The following ARL15 variants were observed in gnomAD, a reference collection of about 807,000 sequenced individuals.
ARL15 encodes ARF like GTPase 15.
Under a neutral mutation model 25.2 loss-of-function variants are expected in ARL15, and 19 were observed. That is an observed-to-expected ratio of 0.75 (90% CI 0.53 to 1.10). The LOEUF (loss-of-function observed/expected upper bound fraction) is 1.10. ARL15 is among the 50% of genes least tolerant of loss of function. ARL15 has a pLI of 0.00. For synonymous variants in ARL15, 94 were observed against 86.8 expected, an observed-to-expected ratio of 1.08 and a Z score of -0.46; for missense variants, 220 against 246.0, an observed-to-expected ratio of 0.89 and a Z score of 0.71.
intron 4 of ARL15, among the ~76,000 whole-genome samples, chr5:54,009,544 T>A (rs1255529032): frequency 6.6e-6 from 1 of 152,126 alleles, no homozygotes; most frequent in Non-Finnish European, 1.5e-5. Context: ...TGCCCTGAAC[T>A]CTCTGGCTGC....
At chr5:54,182,622 G>C (rs1442043154) in intron 1 of ARL15, among the ~76,000 whole-genome samples, 1 of 148,184 alleles carries the variant, frequency 6.7e-6, no homozygotes, top group Non-Finnish European at 1.5e-5. Context: ...GGATTGACTT[G>C]GCGATGCGGG....
chr5:53,901,525 T>C (rs1745062860), intron 4 of ARL15, among the ~76,000 whole-genome samples: 1 of 152,136 alleles, frequency 6.6e-6, no homozygotes, highest in South Asian at 2.1e-4. Context: ...GCTATCAGTA[T>C]CTTATAAAAT....
At chr5:54,031,699 G>T (rs1261620880) in intron 4 of ARL15, among the ~76,000 whole-genome samples, 1 of 152,094 alleles carries the variant, frequency 6.6e-6, no homozygotes, top group African/African-American at 2.4e-5. Flanking sequence ...TTCATGGCGA[G>T]AGTACTTGAC....
intron 1 of ARL15, among the ~76,000 whole-genome samples, chr5:54,189,018 C>T (rs1021613957): frequency 1.3e-5 from 2 of 152,028 alleles, no homozygotes; most frequent in African/African-American, 2.4e-5. Flanking sequence ...CATGTCTGTA[C>T]ACTAATAATT....
At chr5:54,172,042 T>A (rs1754734276) in intron 1 of ARL15, 114 bp from the exon 2 acceptor site, 1 of 1,275,702 alleles carries the variant, frequency 7.8e-7, no homozygotes, top group Non-Finnish European at 1.1e-6. Flanking sequence ...AAGTATTACC[T>A]ATAAGGAAGA....
intron 3 of ARL15, among the ~76,000 whole-genome samples, chr5:54,135,366 C>G (rs1271806147): frequency 2.0e-5 from 3 of 152,096 alleles, no homozygotes; most frequent in Non-Finnish European, 1.5e-5. Flanking sequence ...TACAAGGGAC[C>G]CCACAATTTA....
chr5:54,310,573 C>A lies in ARL15; in HGVS notation c.-94G>T. 7.1e-7 allele frequency: 1 copy of A among 1,402,146 alleles called. No homozygotes were observed. 86.9% of individuals were successfully genotyped at this position (1,402,146 alleles called of 1,614,324 possible). A position where few individuals can be genotyped will look rare whatever the true frequency, so the allele number is the denominator to read the frequency against. On this transcript the variant is annotated 5_prime_UTR_variant, in exon 1 of 5. Coordinates refer to ENST00000504924, the MANE Select transcript of ARL15 (RefSeq NM_019087.3). ...GAGCAGCTCCTGAAAAAGCCAGCAA[C>A]AGCGAAAATAGCCGAAAGCAGCCGA...
Position 53,895,221 on chromosome 5 carries a change from A to G in ARL15, c.463-8508T>C, listed in dbSNP as rs1744833978. Among the ~76,000 whole-genome samples, 3 of 152,278 alleles carry G rather than the reference A, an allele frequency of 2.0e-5. No homozygotes were observed. In the South Asian group the frequency reaches 6.2e-4, roughly 32 times the overall value. On this transcript the variant is annotated intron_variant, in intron 4 of 4. Coordinates refer to ENST00000504924, the MANE Select transcript of ARL15 (RefSeq NM_019087.3). Reference sequence around the variant, plus strand: ...TTTCTGTGCCTCAGTTTGACCTCAAATTGCTAGACTTCCTCTCCCCTGCTT... The same window carrying G: ...TTTCTGTGCCTCAGTTTGACCTCAAGTTGCTAGACTTCCTCTCCCCTGCTT...
intron 4 of ARL15, among the ~76,000 whole-genome samples, chr5:53,943,988 G>A (rs1310715930): frequency 2.0e-5 from 3 of 152,288 alleles, no homozygotes; most frequent in Non-Finnish European, 2.9e-5. Flanking sequence ...TAAGGAACAA[G>A]AAAGACACTC....
chr5:53,915,147 C>G (rs1451434031), intron 4 of ARL15, among the ~76,000 whole-genome samples: 1 of 152,230 alleles, frequency 6.6e-6, no homozygotes, highest in Non-Finnish European at 1.5e-5. Flanking sequence ...CCTTCCCTCC[C>G]TTGTCCTTGC....
At chr5:54,234,050 C>A (rs544852046) in intron 1 of ARL15, among the ~76,000 whole-genome samples, 1 of 152,244 alleles carries the variant, frequency 6.6e-6, no homozygotes, top group African/African-American at 2.4e-5. Context: ...CAGGCTGGTA[C>A]AACGGCAAGA....
At chr5:54,290,799 T>C (rs1758302580) in intron 1 of ARL15, among the ~76,000 whole-genome samples, 2 of 152,210 alleles carry the variant, frequency 1.3e-5, no homozygotes, top group African/African-American at 4.8e-5. Context: ...TCGTTTTTAA[T>C]ATAATTAAAT....
At chr5:54,260,909 G>A (rs1474585397) in intron 1 of ARL15, among the ~76,000 whole-genome samples, 3 of 152,152 alleles carry the variant, frequency 2.0e-5, no homozygotes, top group Non-Finnish European at 4.4e-5. Flanking sequence ...TCAGAACTTG[G>A]AATATAGCCT....
chr5:54,037,800 C>A (rs1750217426), intron 4 of ARL15, among the ~76,000 whole-genome samples: 2 of 151,902 alleles, frequency 1.3e-5, no homozygotes, highest in African/African-American at 4.8e-5. Flanking sequence ...ATTATATTTG[C>A]AACTCAAGGG....
chr5:54,230,598 A>T (rs1368476871), intron 1 of ARL15, among the ~76,000 whole-genome samples: 2 of 152,104 alleles, frequency 1.3e-5, no homozygotes, highest in Non-Finnish European at 2.9e-5. Context: ...CAAAGAAATG[A>T]TCACTTTCCC....
chr5:54,261,093 A>T (rs1311948358), intron 1 of ARL15, among the ~76,000 whole-genome samples: 2 of 152,180 alleles, frequency 1.3e-5, no homozygotes, highest in African/African-American at 2.4e-5. Context: ...GAAGTGTGAG[A>T]ATGTCAGAAG....
chr5:53,961,259 G>A (rs1747357068), intron 4 of ARL15, among the ~76,000 whole-genome samples: 2 of 151,774 alleles, frequency 1.3e-5, no homozygotes, highest in South Asian at 2.1e-4. Context: ...TTTCCTTGGG[G>A]GGCCAAGGTG....
At chr5:54,106,009 A>G (rs1332164785) in intron 4 of ARL15, among the ~76,000 whole-genome samples, 1 of 152,204 alleles carries the variant, frequency 6.6e-6, no homozygotes, top group Non-Finnish European at 1.5e-5. Context: ...AATTATTTTA[A>G]AATGTATTAA....
chr5:54,058,029 A>G (rs554232789), intron 4 of ARL15, among the ~76,000 whole-genome samples: 72 of 147,154 alleles, frequency 4.9e-4, no homozygotes, highest in Non-Finnish European at 4.5e-5. Context: ...TTTTTTGACA[A>G]AGTCTCGCTC....
Sources: gnomAD v4.1 joint callset for allele counts (sites outside exome capture counted in the v4.1 genomes callset) on GRCh38, gnomAD v4.1.1 for gene constraint, MANE v1.5 for transcripts, NCBI Gene and HGNC (gene_info 2026-07-23, HGNC 2026-07-21) for gene names.